IL33: variants seen among roughly 807,000 people sequenced by gnomAD.
IL33 encodes interleukin-33.
IL33 carries 37 observed loss-of-function variants against 27.3 expected under a neutral mutation model. The observed-to-expected ratio is 1.36, with a 90% CI of 1.04 to 1.78. The LOEUF is 1.78. Ranked by LOEUF, IL33 falls within the 40% of genes most tolerant of loss-of-function variation. The probability of loss-of-function intolerance (pLI) is 0.00; values close to 1 mark genes in which losing one functional copy is unlikely to be tolerated. For missense variants in IL33, 406 were observed against 311.4 expected, an observed-to-expected ratio of 1.30 and a Z score of -2.29; for synonymous variants, 132 against 102.9, an observed-to-expected ratio of 1.28 and a Z score of -1.71.
At chr9:6,230,384 G>A (rs1399939863) in intron 1 of IL33, among the ~76,000 whole-genome samples, 1 of 152,158 alleles carries the variant, frequency 6.6e-6, no homozygotes, top group Non-Finnish European at 1.5e-5. Flanking sequence ...GAGTGGTGGA[G>A]GGTAGGGGAC....
intron 6 of IL33, among the ~76,000 whole-genome samples, chr9:6,254,120 G>A (rs577080690): frequency 2.6e-5 from 4 of 152,280 alleles, no homozygotes; most frequent in African/African-American, 9.6e-5. Context: ...AGGCAAGCTG[G>A]GGAATGTTCT....
chr9:6,226,082 A>G (rs955329058), intron 1 of IL33, among the ~76,000 whole-genome samples: 1 of 152,124 alleles, frequency 6.6e-6, no homozygotes, highest in Non-Finnish European at 1.5e-5. Context: ...ATCCTAACTC[A>G]CTGCGGCCTC....
chr9:6,226,676 C>T (rs1323059587), intron 1 of IL33, among the ~76,000 whole-genome samples: 6 of 152,078 alleles, frequency 3.9e-5, no homozygotes, highest in Non-Finnish European at 1.5e-5. Flanking sequence ...CTATTTGGAT[C>T]TTTTTCAAAT....
intron 1 of IL33, among the ~76,000 whole-genome samples, chr9:6,216,080 G>T (rs752180720): frequency 1.2e-4 from 18 of 152,150 alleles, no homozygotes; most frequent in Non-Finnish European, 1.8e-4. Context: ...GAAAGAGATT[G>T]TAATAGTTTT....
intron 2 of IL33, among the ~76,000 whole-genome samples, chr9:6,247,079 G>C (rs1819901364): frequency 6.6e-6 from 1 of 152,172 alleles, no homozygotes; most frequent in African/African-American, 2.4e-5. Flanking sequence ...AAAGACCAAA[G>C]ATAGAGTTAC....
chr9:6,226,132 C>G (rs1397141378), intron 1 of IL33, among the ~76,000 whole-genome samples: 1 of 152,022 alleles, frequency 6.6e-6, no homozygotes, highest in Non-Finnish European at 1.5e-5. Flanking sequence ...CTCAGCCTCC[C>G]CACCAGCTGG....
In IL33 at chr9:6,257,479, C is replaced by T. The variant is rs935938632; in HGVS notation, c.*1311C>T. The T allele has an allele frequency of 2.0e-5, 3 of 152,422 alleles. No homozygotes were observed. The highest frequency in any genetic ancestry group is 4.4e-5 in the Non-Finnish European group (3 of 67,970). 9.4% of individuals were successfully genotyped at this position (152,422 alleles called of 1,614,324 possible). A position where few individuals can be genotyped will look rare whatever the true frequency, so the allele number is the denominator to read the frequency against. On this transcript the variant is annotated 3_prime_UTR_variant, in exon 8 of 8. Coordinates refer to ENST00000682010, the MANE Select transcript of IL33 (RefSeq NM_033439.4). ...TTAATGGCAATATTTTTTTGCTAAA[C>T]GTTTTTGTTTTTTACTGTCACTAGG...
At chr9:6,218,901 T>A in intron 1 of IL33, among the ~76,000 whole-genome samples, 1 of 4,072 alleles carries the variant, frequency 2.5e-4, no homozygotes, top group African/African-American at 1.4e-3. Flanking sequence ...ATGTTCTCCA[T>A]ATATATATAT....
intron 1 of IL33, among the ~76,000 whole-genome samples, chr9:6,224,353 T>G (rs1233009823): frequency 6.6e-6 from 1 of 152,198 alleles, no homozygotes; most frequent in Non-Finnish European, 1.5e-5. Flanking sequence ...TTAGCCTGCT[T>G]TTCTACAAAG....
Position 6,257,076 on chromosome 9 carries a change from C to G in IL33, c.*908C>G, listed in dbSNP as rs1360640998. On this transcript the variant is annotated 3_prime_UTR_variant, in exon 8 of 8. Coordinates refer to ENST00000682010, the MANE Select transcript of IL33 (RefSeq NM_033439.4). ...CTATCATGGTAAGGCCAGAAATCTTCTAACCTACCAGAGCCTAGATGAGAC... is the reference window on the plus strand; with the variant it reads ...CTATCATGGTAAGGCCAGAAATCTTGTAACCTACCAGAGCCTAGATGAGAC... The G allele has an allele frequency of 1.3e-5, 2 of 151,950 alleles. No homozygotes were observed. The highest frequency in any genetic ancestry group is 4.8e-5 in the African/African-American group (2 of 41,368). The allele number at this position is 151,950 out of a possible 1,614,324, so 9.4% of individuals were successfully genotyped here.
chr9:6,230,738 T>C lies in IL33; in HGVS notation c.-11-10946T>C, dbSNP rs571782408. On this transcript the variant is annotated intron_variant, in intron 1 of 7. Transcript: ENST00000682010. ...AGCAATATGTTCATTCATCCCACTA[T>C]ATCCTCATAGATCCTCTTCCCATTC... Among the ~76,000 whole-genome samples the C allele has an allele frequency of 1.8e-4, 28 of 152,308 alleles. No homozygotes were observed. The South Asian group carries it at 5.4e-3, about 29-fold the overall frequency.
chr9:6,251,298 A>C (rs1968154160), intron 4 of IL33, 33 bp downstream of exon 4: 1 of 1,609,698 alleles, frequency 6.2e-7, no homozygotes, highest in Admixed American at 1.7e-5. Flanking sequence ...TGTGGGAGTG[A>C]GGAGGGAGGT....
At position 6,246,682 on chromosome 9, in the gene IL33, T is replaced by C. The variant is rs575301568; in HGVS notation, c.92-3792T>C. ...TGGGAGTGGGTTAGTTATTACAGGA[T>C]TGGGTTTCTGATAAAAATGATGAAG... On this transcript the variant is annotated intron_variant, in intron 2 of 7. Transcript: ENST00000682010. Among the ~76,000 whole-genome samples, 14 of 152,282 alleles carry C rather than the reference T, an allele frequency of 9.2e-5. No individual in the cohort carries two copies. In the East Asian group the frequency reaches 2.5e-3, roughly 27 times the overall value.
At chr9:6,219,191 T>A (rs950027483) in intron 1 of IL33, among the ~76,000 whole-genome samples, 13 of 151,862 alleles carry the variant, frequency 8.6e-5, no homozygotes, top group Admixed American at 6.6e-4. Flanking sequence ...CTTAATTCTA[T>A]CAACAACAAA....
At chr9:6,243,970 T>C (rs1819683032) in intron 2 of IL33, among the ~76,000 whole-genome samples, 1 of 152,168 alleles carries the variant, frequency 6.6e-6, no homozygotes, top group Non-Finnish European at 1.5e-5. Context: ...GCAGAACCAA[T>C]CCTTTTACTT....
chr9:6,224,789 T>C (rs1243927989), intron 1 of IL33, among the ~76,000 whole-genome samples: 2 of 152,232 alleles, frequency 1.3e-5, no homozygotes, highest in African/African-American at 4.8e-5. Context: ...CGGCATTACC[T>C]ACCCTTGCAA....
At chr9:6,247,404 T>C (rs933007000) in intron 2 of IL33, among the ~76,000 whole-genome samples, 2 of 152,062 alleles carry the variant, frequency 1.3e-5, no homozygotes, top group African/African-American at 4.8e-5. Context: ...CTTGGTAAAA[T>C]CCGTGCTTGG....
At chr9:6,234,413 T>C (rs532746247) in intron 1 of IL33, among the ~76,000 whole-genome samples, 1 of 152,198 alleles carries the variant, frequency 6.6e-6, no homozygotes, top group Admixed American at 6.5e-5. Flanking sequence ...TATGTCCACT[T>C]CCCTTCACCA....
chr9:6,225,927 TATG>T (rs1818604606), intron 1 of IL33, among the ~76,000 whole-genome samples: 1 of 152,132 alleles, frequency 6.6e-6, no homozygotes, highest in African/African-American at 2.4e-5. Flanking sequence ...GAAGGCTCAT[TATG>T]ATGCCCTGGC....
Sources: gnomAD v4.1 joint callset for allele counts (sites outside exome capture counted in the v4.1 genomes callset) on GRCh38, gnomAD v4.1.1 for gene constraint, MANE v1.5 for transcripts, NCBI Gene and HGNC (gene_info 2026-07-23, HGNC 2026-07-21) for gene names.